Variants in MDN1 observed in about 807,000 individuals in gnomAD.
MDN1 encodes midasin AAA ATPase 1.
In MDN1, 266 loss-of-function variants were observed where a neutral mutation model predicts 669.2. The observed-to-expected ratio is 0.40, with a 90% CI of 0.36 to 0.44. The LOEUF (loss-of-function observed/expected upper bound fraction) is 0.44, where lower values mean the gene tolerates loss of function less well. Ranked by LOEUF, MDN1 falls within the 20% of genes least tolerant of loss-of-function variation. MDN1 has a pLI of 1.00. For synonymous variants in MDN1, 2,385 were observed against 2,457.1 expected (o/e 0.97, Z 0.87); for missense variants, 5,940 against 6,754.0 (o/e 0.88, Z 4.22).
chr6:89,700,055 T>C lies in MDN1; in HGVS notation c.8870+8A>G, dbSNP rs756769658. The C allele has an allele frequency of 3.7e-6, 6 of 1,612,336 alleles. No homozygotes were observed. The highest frequency in any genetic ancestry group is 1.7e-5 in the Admixed American group (1 of 59,988). ...CCCGCAAGGAAAACAACTGAAAGCA[T>C]GGTTTACCTTCTGAGACAAGCTTGT... On this transcript the variant is annotated splice_region_variant and intron_variant, in intron 57 of 101. Coordinates refer to ENST00000369393, the MANE Select transcript of MDN1 (RefSeq NM_014611.3).
At chr6:89,682,443 T>A (rs1372790188) in intron 73 of MDN1, among the ~76,000 whole-genome samples, 2 of 151,988 alleles carry the variant, frequency 1.3e-5, no homozygotes, top group Non-Finnish European at 2.9e-5. Context: ...GAGCGGTGGC[T>A]CCCGCCTGTA....
At chr6:89,744,345 C>T (rs1012706763) in intron 29 of MDN1, among the ~76,000 whole-genome samples, 18 of 152,242 alleles carry the variant, frequency 1.2e-4, no homozygotes, top group Admixed American at 1.2e-3. Flanking sequence ...CTTTGGGAGG[C>T]CAAGGCAGGA....
chr6:89,778,669 G>A (rs935973999), intron 11 of MDN1, among the ~76,000 whole-genome samples: 5 of 151,718 alleles, frequency 3.3e-5, no homozygotes, highest in African/African-American at 9.7e-5. Context: ...TGGATCACGA[G>A]GTCAGGAGAT....
intron 56 of MDN1, among the ~76,000 whole-genome samples, 156 bp downstream of exon 56, chr6:89,700,490 G>A (rs1009953263): frequency 6.6e-6 from 1 of 152,020 alleles, no homozygotes; most frequent in Non-Finnish European, 1.5e-5. Context: ...AAATATATGT[G>A]AAATTTAGTC....
chr6:89,732,681 C>T lies in MDN1; in HGVS notation c.4818G>A (p.Leu1606=), dbSNP rs1815675566. 3 of 1,613,902 alleles carry T rather than the reference C, an allele frequency of 1.9e-6. No homozygotes were observed. The highest frequency in any genetic ancestry group is 2.2e-5 in the South Asian group (2 of 91,068). Residue 1606 remains leucine, a synonymous_variant, in exon 34 of 102, where the codon CTG becomes CTA. Transcript: ENST00000369393. ...TTTTGTTCATGAAGTTAACCCAGGA[C>T]AGGATATCTCTGATACTGACCACAC... ...RKCVVSIRDI[L]SWVNFMNKMG...
At chr6:89,796,338 AAAAAAAAAAAAAC>A in intron 2 of MDN1, among the ~76,000 whole-genome samples, 1 of 134,084 alleles carries the variant, frequency 7.5e-6, no homozygotes, top group Non-Finnish European at 1.6e-5. Flanking sequence ...AAAAAAAAAA[AAAAAAAAAAAAAC>A]AAAAAAAAAA....
At chr6:89,756,508 T>C (rs1161357626) in intron 19 of MDN1, 118 bp from the exon 20 acceptor site, 1 of 550,024 alleles carries the variant, frequency 1.8e-6, no homozygotes, top group Non-Finnish European at 3.2e-6. Context: ...TAGTATAAAA[T>C]GTCTTTCAAC....
In MDN1 at chr6:89,645,058, T is replaced by C. The variant is rs1291810169; in HGVS notation, c.16559A>G (p.Asn5520Ser). The C allele has an allele frequency of 1.9e-6, 3 of 1,609,890 alleles. No homozygotes were observed. Among genetic ancestry groups the C allele is most frequent in the Admixed American group, 1.7e-5 (1 of 59,944 alleles). ...LAAVQAARNA[N>S]IFVIFVVLDN... ...CAATACAACAAAGATGACAAAGATA[T>C]TTGCATTCCGGGCAGCCTGAACTGC... Residue 5520 changes from asparagine to serine, a missense_variant, in exon 101 of 102, where the codon AAT becomes AGT. Coordinates refer to ENST00000369393, the MANE Select transcript of MDN1 (RefSeq NM_014611.3).
chr6:89,673,957 T>G, intron 79 of MDN1, 147 bp downstream of exon 79: 1 of 166,144 alleles, frequency 6.0e-6, no homozygotes, highest in South Asian at 5.5e-5. Flanking sequence ...CCCCACCCCA[T>G]CCCCCAAACC....
chr6:89,661,939 A>G, intron 87 of MDN1, 148 bp downstream of exon 87: 2 of 926,692 alleles, frequency 2.2e-6, no homozygotes, highest in Non-Finnish European at 3.3e-6. Flanking sequence ...TGTCCTGTTA[A>G]GAGCCTCTGT....
chr6:89,691,228 G>A (rs188672200), intron 63 of MDN1, among the ~76,000 whole-genome samples: 1 of 152,196 alleles, frequency 6.6e-6, no homozygotes, highest in Non-Finnish European at 1.5e-5. Context: ...GTTCAGAAAA[G>A]AAACACTTAG....
intron 59 of MDN1, among the ~76,000 whole-genome samples, 170 bp downstream of exon 59, chr6:89,698,695 A>G (rs965531822): frequency 6.6e-5 from 10 of 152,252 alleles, no homozygotes; most frequent in African/African-American, 2.4e-4. Flanking sequence ...ATTATTTAAC[A>G]TGGTATACTT....
chr6:89,735,388 T>TA (rs1331684152), intron 33 of MDN1, among the ~76,000 whole-genome samples: 9 of 149,006 alleles, frequency 6.0e-5, no homozygotes, highest in Middle Eastern at 3.4e-3. Context: ...TTTTTTTTTT[T>TA]AAAGAGATGG....
intron 48 of MDN1, 135 bp downstream of exon 48, chr6:89,712,440 G>T: frequency 9.7e-7 from 1 of 1,027,976 alleles, no homozygotes; most frequent in Non-Finnish European, 1.5e-6. Context: ...ATATCACAAT[G>T]AACAATAAAA....
chr6:89,757,471 G>C (rs1335346546), intron 19 of MDN1, among the ~76,000 whole-genome samples: 1 of 152,122 alleles, frequency 6.6e-6, no homozygotes, highest in Non-Finnish European at 1.5e-5. Context: ...CTAACACAAA[G>C]GGAAAAATTC....
At chr6:89,720,724 A>G (rs1485867642) in intron 40 of MDN1, among the ~76,000 whole-genome samples, 1 of 152,246 alleles carries the variant, frequency 6.6e-6, no homozygotes, top group Non-Finnish European at 1.5e-5. Flanking sequence ...TGTGAATTAT[A>G]TATCAATAAA....
intron 40 of MDN1, among the ~76,000 whole-genome samples, chr6:89,720,688 G>T (rs2128313450): frequency 6.6e-6 from 1 of 152,272 alleles, no homozygotes; most frequent in South Asian, 2.1e-4. Flanking sequence ...ATAAGTGGAT[G>T]AAGAAATTAA....
At chr6:89,644,215 A>C (rs1224291847) in intron 101 of MDN1, 22 bp from the exon 102 acceptor site, 1 of 1,586,530 alleles carries the variant, frequency 6.3e-7, no homozygotes, top group East Asian at 2.2e-5. Flanking sequence ...AGACATTTTG[A>C]AATGGGGAGG....
rs571652841 is a variant in MDN1 at position 89,710,534 on chromosome 6, AAAG to A, written c.7765+144_7765+146del. On this transcript the variant is annotated intron_variant, in intron 50 of 101. Coordinates refer to ENST00000369393, the MANE Select transcript of MDN1 (RefSeq NM_014611.3). The stretch of plus-strand genomic sequence containing the variant: ...AAAAAAAAAAAGAAATTTCAAAAAA[AAAG>A]AAGGAGAATTTGCTTCTGCATATCA... 2.3e-4 allele frequency: 108 copies of A among 474,376 alleles called. No individual in the cohort carries two copies. The South Asian group carries it at 2.9e-3, about 13-fold the overall frequency. The allele number at this position is 474,376 out of a possible 1,614,324, so 29.4% of individuals were successfully genotyped here.
Sources: allele counts gnomAD v4.1 joint callset (sites outside exome capture counted in the v4.1 genomes callset), GRCh38; gene constraint gnomAD v4.1.1; transcripts MANE v1.5; gene names NCBI Gene and HGNC (gene_info 2026-07-23, HGNC 2026-07-21).